PSPC1: variants seen among roughly 807,000 people sequenced by gnomAD.
PSPC1 encodes paraspeckle protein 1.
In PSPC1, 14 loss-of-function variants were observed where a neutral mutation model predicts 51.6. The ratio of observed to expected loss-of-function variants is 0.27; its 90% CI spans 0.18 to 0.42. The LOEUF is 0.42. Ranked by LOEUF, PSPC1 falls within the 10% of genes least tolerant of loss-of-function variation. The probability of loss-of-function intolerance (pLI) is 1.00; values close to 1 mark genes in which losing one functional copy is unlikely to be tolerated. For missense variants in PSPC1, 406 were observed against 701.1 expected (o/e 0.58, Z 4.75); for synonymous variants, 193 against 231.9 (o/e 0.83, Z 1.53).
chr13:19,672,958 A>T, downstream of PSPC1: 1 of 391,606 alleles, frequency 2.6e-6, no homozygotes, highest in Non-Finnish European at 4.9e-6. Flanking sequence ...CAGGAGGCTG[A>T]GGTGAAAGGA....
chr13:19,692,039 T>A (rs1878629310), intron 6 of PSPC1, among the ~76,000 whole-genome samples: 1 of 152,202 alleles, frequency 6.6e-6, no homozygotes, highest in Non-Finnish European at 1.5e-5. Flanking sequence ...GATAAAGTCC[T>A]GTGGTCTACC....
chr13:19,692,140 T>C (rs1878646515), intron 6 of PSPC1, among the ~76,000 whole-genome samples: 1 of 152,218 alleles, frequency 6.6e-6, no homozygotes, highest in South Asian at 2.1e-4. Context: ...TTATTTATTT[T>C]TGAGACAAAG....
intron 1 of PSPC1, among the ~76,000 whole-genome samples, chr13:19,773,583 C>A (rs192767479): frequency 2.3e-3 from 354 of 152,110 alleles, no homozygotes; most frequent in Middle Eastern, 0.017. Context: ...TACAGCCAGA[C>A]AAATCACCTT....
chr13:19,779,329 T>A (rs1257949159), intron 1 of PSPC1, among the ~76,000 whole-genome samples: 4 of 87,428 alleles, frequency 4.6e-5, no homozygotes, highest in Admixed American at 2.2e-4. Flanking sequence ...GGGAGGGACG[T>A]GGGGGGTCAG....
chr13:19,780,600 T>A (rs1432013901), intron 1 of PSPC1, among the ~76,000 whole-genome samples: 3 of 118,018 alleles, frequency 2.5e-5, no homozygotes, highest in Non-Finnish European at 5.4e-5. Flanking sequence ...GTTAAACAGA[T>A]GCTTGAAGGC....
downstream of PSPC1, chr13:19,699,306 T>C (rs1337455790): frequency 2.3e-5 from 3 of 130,222 alleles, no homozygotes; most frequent in Middle Eastern, 3.7e-3. Context: ...TTAGACACTA[T>C]AAATTTTTTT....
chr13:19,677,676 C>T (rs878856553), intron 7 of PSPC1: 3 of 413,582 alleles, frequency 7.3e-6, no homozygotes, highest in Non-Finnish European at 1.4e-5. Flanking sequence ...TAGGAAGAAA[C>T]GAATACTCAA....
intron 6 of PSPC1, among the ~76,000 whole-genome samples, chr13:19,693,255 A>G (rs1039232971): frequency 6.6e-6 from 1 of 152,194 alleles, no homozygotes; most frequent in East Asian, 1.9e-4. Flanking sequence ...CTATCATCTT[A>G]GTGAAATCTT....
chr13:19,762,901 T>C (rs1415143593), intron 2 of PSPC1, among the ~76,000 whole-genome samples: 1 of 151,974 alleles, frequency 6.6e-6, no homozygotes, highest in African/African-American at 2.4e-5. Flanking sequence ...CACTCAGGAG[T>C]TTGAGACCAG....
chr13:19,769,088 G>A (rs1418324133), intron 2 of PSPC1, among the ~76,000 whole-genome samples: 1 of 150,622 alleles, frequency 6.6e-6, no homozygotes, highest in Non-Finnish European at 1.5e-5. Context: ...TGTAGCAGCC[G>A]ACATGGAACC....
chr13:19,730,952 A>AAAAAAAAAC (rs1883990398), intron 5 of PSPC1, among the ~76,000 whole-genome samples: 1 of 31,340 alleles, frequency 3.2e-5, no homozygotes, highest in Admixed American at 5.3e-4. Context: ...CTCAGAAAAA[A>AAAAAAAAAC]AAAACAAAAA....
intron 6 of PSPC1, among the ~76,000 whole-genome samples, chr13:19,725,123 G>C (rs1039454014): frequency 6.6e-6 from 1 of 152,220 alleles, no homozygotes; most frequent in African/African-American, 2.4e-5. Context: ...GTTGCAGTGA[G>C]CCAAGATCAC....
downstream of PSPC1, chr13:19,672,122 AT>A (rs1876164219): frequency 4.5e-6 from 2 of 442,190 alleles, 1 homozygote; most frequent in Admixed American, 7.4e-5. Flanking sequence ...ACATATGAGG[AT>A]TATTTAAGAA....
intron 6 of PSPC1, among the ~76,000 whole-genome samples, chr13:19,696,246 T>A (rs1362481092): frequency 6.6e-6 from 1 of 152,188 alleles, no homozygotes; most frequent in Non-Finnish European, 1.5e-5. Flanking sequence ...GGATTACAAT[T>A]AAGAAACAAA....
intron 6 of PSPC1, among the ~76,000 whole-genome samples, chr13:19,681,293 T>A (rs559913235): frequency 5.3e-5 from 8 of 152,324 alleles, no homozygotes; most frequent in Admixed American, 5.2e-4. Context: ...AACTATGTGA[T>A]AATGGATGTA....
intron 2 of PSPC1, among the ~76,000 whole-genome samples, chr13:19,759,966 A>G (rs1201962962): frequency 6.6e-6 from 1 of 152,172 alleles, no homozygotes; most frequent in East Asian, 1.9e-4. Context: ...ATGAACCAGC[A>G]TAACGGTTAT....
intron 6 of PSPC1, among the ~76,000 whole-genome samples, chr13:19,728,483 C>CACACACAT (rs1883642356): frequency 8.1e-6 from 1 of 124,036 alleles, no homozygotes; most frequent in African/African-American, 2.8e-5. Context: ...CACACACACA[C>CACACACAT]ACAGCATTAA....
intron 6 of PSPC1, among the ~76,000 whole-genome samples, chr13:19,715,358 G>GTAA (rs1881970753): frequency 6.6e-6 from 1 of 152,116 alleles, no homozygotes; most frequent in African/African-American, 2.4e-5. Context: ...AAGTGGCATG[G>GTAA]TAAACATGCC....
At chr13:19,674,436 T>C (rs952082552), downstream of PSPC1, among the ~76,000 whole-genome samples, 1 of 152,242 alleles carries the variant, frequency 6.6e-6, no homozygotes, top group African/African-American at 2.4e-5. Flanking sequence ...AGAGTCTATT[T>C]GAAGCTCAGG....
Sources: allele counts gnomAD v4.1 joint callset (sites outside exome capture counted in the v4.1 genomes callset), GRCh38; gene constraint gnomAD v4.1.1; transcripts MANE v1.5; gene names NCBI Gene and HGNC (gene_info 2026-07-23, HGNC 2026-07-21).